The following PDE1C variants were observed in gnomAD, a reference collection of about 807,000 sequenced individuals.
PDE1C encodes dual specificity calcium/calmodulin-dependent 3',5'-cyclic nucleotide phosphodiesterase 1C.
In PDE1C, 62 loss-of-function variants were observed where a neutral mutation model predicts 93.1. The ratio of observed to expected loss-of-function variants is 0.67; its 90% confidence interval spans 0.54 to 0.82. PDE1C has a LOEUF of 0.82. PDE1C is among the 40% of genes least tolerant of loss of function. The pLI, the probability that PDE1C is intolerant of heterozygous loss-of-function variation, is 0.00. For synonymous variants in PDE1C, 325 were observed against 310.1 expected (o/e 1.05, Z -0.50); for missense variants, 742 against 884.6 (o/e 0.84, Z 2.04).
intron 1 of PDE1C, among the ~76,000 whole-genome samples, chr7:32,322,123 A>G (rs1372895485): frequency 6.6e-6 from 1 of 152,130 alleles, no homozygotes; most frequent in Non-Finnish European, 1.5e-5. Context: ...TCCTACTATT[A>G]CCCTAATTCT....
chr7:32,278,072 C>A (rs1450510915), intron 1 of PDE1C, among the ~76,000 whole-genome samples: 18 of 109,148 alleles, frequency 1.6e-4, no homozygotes, highest in African/African-American at 2.5e-4. Flanking sequence ...GATTATATAG[C>A]AAAAAAAAAA....
intron 3 of PDE1C, among the ~76,000 whole-genome samples, chr7:32,127,648 A>C (rs1799661600): frequency 6.6e-6 from 1 of 152,060 alleles, no homozygotes; most frequent in South Asian, 2.1e-4. Context: ...ACAATATAAT[A>C]GGGGGAGACA....
intron 2 of PDE1C, chr7:32,209,421 G>T (rs903602759): frequency 1.6e-6 from 2 of 1,276,414 alleles, no homozygotes; most frequent in African/African-American, 1.5e-5. Flanking sequence ...TATACCGCAT[G>T]GGGGAAAGAT....
intron 3 of PDE1C, among the ~76,000 whole-genome samples, chr7:32,132,779 T>C (rs1028227121): frequency 2.0e-5 from 3 of 152,182 alleles, no homozygotes; most frequent in African/African-American, 7.2e-5. Context: ...GATATTTTAG[T>C]AATCAGATGA....
At chr7:31,890,972 G>A (rs1442058314) in intron 2 of PDE1C, among the ~76,000 whole-genome samples, 4 of 152,104 alleles carry the variant, frequency 2.6e-5, no homozygotes, top group Non-Finnish European at 5.9e-5. Flanking sequence ...AACTGTTGGA[G>A]TCTGCTATTG....
At chr7:31,694,560 T>G in the PDE1C span, among the ~76,000 whole-genome samples, 1 of 152,210 alleles carries the variant, frequency 6.6e-6, no homozygotes, top group South Asian at 2.1e-4. Context: ...CCGTTCAACA[T>G]CCATTTATTG....
chr7:32,019,232 C>A (rs1323091694), intron 2 of PDE1C, among the ~76,000 whole-genome samples: 1 of 151,016 alleles, frequency 6.6e-6, no homozygotes, highest in African/African-American at 2.4e-5. Flanking sequence ...GAGAAACATC[C>A]TGGAAGCAGC....
At chr7:31,998,114 T>G (rs186952272) in intron 2 of PDE1C, among the ~76,000 whole-genome samples, 292 of 152,176 alleles carry the variant, frequency 1.9e-3, no homozygotes, top group African/African-American at 5.9e-3. Flanking sequence ...CTGCCTCCTG[T>G]GTTCACACCA....
intron 1 of PDE1C, among the ~76,000 whole-genome samples, chr7:32,248,589 G>A (rs1451776593): frequency 1.3e-5 from 2 of 152,200 alleles, no homozygotes; most frequent in Non-Finnish European, 2.9e-5. Context: ...ACTGACAGAA[G>A]TCCTCCCAAG....
At chr7:31,772,579 T>G (rs1033920937) in intron 17 of PDE1C, among the ~76,000 whole-genome samples, 1 of 152,098 alleles carries the variant, frequency 6.6e-6, no homozygotes, top group African/African-American at 2.4e-5. Context: ...GATATATTTT[T>G]TTATTATAAT....
At chr7:32,043,299 T>G (rs1306959239) in intron 2 of PDE1C, among the ~76,000 whole-genome samples, 1 of 152,150 alleles carries the variant, frequency 6.6e-6, no homozygotes, top group East Asian at 1.9e-4. Flanking sequence ...ATGGCGGCCC[T>G]CACTAATGAC....
Position 31,753,378 on chromosome 7 carries a change from C to T in PDE1C, c.*6G>A. 1 of 1,610,262 alleles carries T rather than the reference C, an allele frequency of 6.2e-7. No homozygotes were observed. The stretch of plus-strand genomic sequence containing the variant: ...CTCCTTCACTCCCTCTCTTCTTCCC[C>T]TCGGCCTATTTTCTGTTCCAGTTAT... On this transcript the variant is annotated 3_prime_UTR_variant, in exon 18 of 18. Transcript: ENST00000396191.
chr7:31,677,143 A>C, the PDE1C span, among the ~76,000 whole-genome samples: 2 of 152,218 alleles, frequency 1.3e-5, no homozygotes, highest in South Asian at 4.1e-4. Flanking sequence ...TCTCCCCAGA[A>C]GACAAAGAGG....
chr7:31,774,627 C>T (rs947872072), intron 17 of PDE1C, among the ~76,000 whole-genome samples: 6 of 152,080 alleles, frequency 3.9e-5, no homozygotes, highest in African/African-American at 1.2e-4. Flanking sequence ...GCTAAATTAT[C>T]AATAGACATA....
At chr7:32,404,054 C>T (rs1231782103) in intron 1 of PDE1C, among the ~76,000 whole-genome samples, 4 of 152,218 alleles carry the variant, frequency 2.6e-5, no homozygotes, top group Non-Finnish European at 5.9e-5. Context: ...CAACGACTAA[C>T]TGCCTGGGCT....
chr7:31,682,116 G>A, the PDE1C span, among the ~76,000 whole-genome samples: 1 of 152,266 alleles, frequency 6.6e-6, no homozygotes, highest in African/African-American at 2.4e-5. Flanking sequence ...ATAAGAAGGG[G>A]ATGATAACAA....
At chr7:31,842,205 AT>A (rs1474693637) in intron 9 of PDE1C, among the ~76,000 whole-genome samples, 1 of 152,156 alleles carries the variant, frequency 6.6e-6, no homozygotes, top group Non-Finnish European at 1.5e-5. Flanking sequence ...TAATTAGTTA[AT>A]ATTTTACTGA....
chr7:32,284,104 A>G (rs192138195), intron 1 of PDE1C, among the ~76,000 whole-genome samples: 103 of 152,346 alleles, frequency 6.8e-4, no homozygotes, highest in Admixed American at 1.9e-3. Flanking sequence ...TGTAATTTCC[A>G]TTAGAGAAAA....
chr7:31,991,540 G>A (rs1304151180), intron 2 of PDE1C, among the ~76,000 whole-genome samples: 16 of 152,202 alleles, frequency 1.1e-4, no homozygotes, highest in Admixed American at 1.0e-3. Context: ...TGGGAGCACT[G>A]TGAGGATGAA....
Sources: gnomAD v4.1 joint callset for allele counts (sites outside exome capture counted in the v4.1 genomes callset) on GRCh38, gnomAD v4.1.1 for gene constraint, MANE v1.5 for transcripts, NCBI Gene and HGNC (gene_info 2026-07-23, HGNC 2026-07-21) for gene names.